The following SH3PXD2B variants were observed in gnomAD, a reference collection of about 807,000 sequenced individuals.
The protein encoded by SH3PXD2B is SH3 and PX domain-containing protein 2B.
Under a neutral mutation model 73.1 loss-of-function variants are expected in SH3PXD2B, and 37 were observed. The observed-to-expected ratio is 0.51, with a 90% confidence interval of 0.39 to 0.67. The LOEUF is 0.67. Among genes scored for constraint, SH3PXD2B ranks in the 30% least tolerant of loss-of-function variants. The pLI, the probability that SH3PXD2B is intolerant of heterozygous loss-of-function variation, is 0.00. For missense variants in SH3PXD2B, 1,053 were observed against 1,197.8 expected, an observed-to-expected ratio of 0.88 and a Z score of 1.78; for synonymous variants, 457 against 480.5, an observed-to-expected ratio of 0.95 and a Z score of 0.64.
intron 9 of SH3PXD2B, among the ~76,000 whole-genome samples, chr5:172,352,410 A>G (rs1757176098): frequency 6.6e-6 from 1 of 152,046 alleles, no homozygotes; most frequent in African/African-American, 2.4e-5. Flanking sequence ...ATTTTTATGT[A>G]GAGATGGGAT....
intron 6 of SH3PXD2B, among the ~76,000 whole-genome samples, chr5:172,372,007 A>T (rs1456006503): frequency 1.3e-5 from 2 of 152,208 alleles, no homozygotes; most frequent in East Asian, 3.8e-4. Flanking sequence ...TGGTTGGGAA[A>T]AGGCTGAAGT....
intron 10 of SH3PXD2B, among the ~76,000 whole-genome samples, chr5:172,350,043 C>T (rs191677639): frequency 2.0e-5 from 3 of 152,138 alleles, no homozygotes; most frequent in South Asian, 2.1e-4. Flanking sequence ...TTAGTAGAGA[C>T]GGGGTTTCAC....
chr5:172,437,803 A>G lies in SH3PXD2B; in HGVS notation c.76-15307T>C, dbSNP rs148785562. On this transcript the variant is annotated intron_variant, in intron 1 of 12. Coordinates refer to ENST00000311601, the MANE Select transcript of SH3PXD2B (RefSeq NM_001017995.3). ...ACTGCACTCTGTCCACAGGGCACGC[A>G]GCGAAGGCTCAGGTGGCTGGTTGAG... 1.8e-4 allele frequency among the ~76,000 whole-genome samples: 27 copies of G among 152,310 alleles called. No individual in the cohort carries two copies. The East Asian group carries it at 4.1e-3, about 23-fold the overall frequency.
intron 4 of SH3PXD2B, among the ~76,000 whole-genome samples, chr5:172,392,465 G>GTT: frequency 6.6e-6 from 1 of 152,124 alleles, no homozygotes; most frequent in South Asian, 2.1e-4. Flanking sequence ...TATCTCAACT[G>GTT]TTTGTTAAAA....
chr5:172,429,325 T>A (rs950503569), intron 1 of SH3PXD2B, among the ~76,000 whole-genome samples: 2 of 88,176 alleles, frequency 2.3e-5, no homozygotes, highest in African/African-American at 5.2e-5. Context: ...CCCCCGCCCC[T>A]TGGGAGCAAC....
chr5:172,325,975 C>T (rs1164274996), intron 12 of SH3PXD2B, among the ~76,000 whole-genome samples: 4 of 152,162 alleles, frequency 2.6e-5, no homozygotes. Flanking sequence ...TTAGTAGAGA[C>T]AGGGTTTCTC....
At chr5:172,415,399 T>C (rs1482443648) in intron 2 of SH3PXD2B, among the ~76,000 whole-genome samples, 1 of 152,148 alleles carries the variant, frequency 6.6e-6, no homozygotes, top group Non-Finnish European at 1.5e-5. Flanking sequence ...AAATCTATCT[T>C]TCAATAGGCA....
chr5:172,414,945 A>C (rs73804827), intron 2 of SH3PXD2B, among the ~76,000 whole-genome samples: 2,449 of 152,154 alleles, frequency 0.016, 60 homozygotes, highest in African/African-American at 0.056. Flanking sequence ...GCCACTCCTT[A>C]TTCATTGTCA....
At chr5:172,350,631 G>A (rs775521535) in intron 9 of SH3PXD2B, 42 bp from the exon 10 acceptor site, 3 of 1,547,544 alleles carry the variant, frequency 1.9e-6, no homozygotes, top group South Asian at 2.4e-5. Context: ...GCTCCGCCAG[G>A]CCCAAGGGAA....
chr5:172,329,077 A>ATTTTT (rs1386202364), downstream of SH3PXD2B, among the ~76,000 whole-genome samples: 75 of 63,512 alleles, frequency 1.2e-3, no homozygotes, highest in South Asian at 2.2e-3. Context: ...ATATATATAT[A>ATTTTT]TATATATTTT....
At position 172,350,375 on chromosome 5, in the gene SH3PXD2B, C is replaced by T. The variant is rs1336013217; in HGVS notation, c.1000G>A (p.Asp334Asn). 1.2e-6 allele frequency: 2 copies of T among 1,613,610 alleles called. No individual in the cohort carries two copies. The highest frequency in any genetic ancestry group is 2.2e-5 in the South Asian group (2 of 91,038). ...GGGTGTCACTCACTCTGCTTGGCGTCACCGTCGGGCACCGGGCGGCCTTCA... is the reference window on the plus strand; with the variant it reads ...GGGTGTCACTCACTCTGCTTGGCGTTACCGTCGGGCACCGGGCGGCCTTCA... ...RFEGRPVPDG[D>N]AKQRSPKMRQ... is the part of the protein sequence containing the mutation. The change falls in exon 10 of 13, where the codon GAC (aspartate) becomes AAC (asparagine). Residue 334 changes from aspartate (D) to asparagine (N), a missense_variant. Asp to Asn is a conservative substitution (Grantham distance 23). Transcript: ENST00000311601.
intron 9 of SH3PXD2B, among the ~76,000 whole-genome samples, chr5:172,352,747 G>A (rs1211511446): frequency 6.6e-6 from 1 of 152,052 alleles, no homozygotes; most frequent in Non-Finnish European, 1.5e-5. Context: ...ATTTTCTCTT[G>A]CCGATGCTAT....
At chr5:172,388,913 G>T (rs1195200541) in intron 4 of SH3PXD2B, among the ~76,000 whole-genome samples, 1 of 152,240 alleles carries the variant, frequency 6.6e-6, no homozygotes, top group East Asian at 1.9e-4. Flanking sequence ...CTGAGGGCTG[G>T]GAGGCAACAG....
chr5:172,372,283 C>T (rs796520214), intron 6 of SH3PXD2B, among the ~76,000 whole-genome samples: 82 of 152,150 alleles, frequency 5.4e-4, no homozygotes, highest in African/African-American at 1.7e-3. Context: ...GGTGCTGTCT[C>T]GAGATGGAGT....
chr5:172,377,557 T>C (rs1309748804), intron 5 of SH3PXD2B, among the ~76,000 whole-genome samples: 4 of 152,174 alleles, frequency 2.6e-5, no homozygotes, highest in Non-Finnish European at 5.9e-5. Context: ...GGGTCTTGCT[T>C]AGTCCTCACA....
intron 12 of SH3PXD2B, among the ~76,000 whole-genome samples, chr5:172,343,575 C>T (rs1014016858): frequency 7.9e-5 from 12 of 152,010 alleles, no homozygotes; most frequent in Non-Finnish European, 1.6e-4. Flanking sequence ...CTTAGGCGGG[C>T]GGATCACCTG....
rs762353363 is a variant in SH3PXD2B at position 172,339,069 on chromosome 5, G to A, written c.2036C>T (p.Ser679Phe). The part of the protein sequence containing the change: ...KLRPAKSQDK[S>F]LLDGEGPQAV... The stretch of plus-strand genomic sequence containing the variant: ...CTGGGGGCCCTCCCCATCCAACAAG[G>A]ACTTGTCTTGGGACTTGGCAGGCCT... The change falls in exon 13 of 13, where the codon TCC (serine) becomes TTC (phenylalanine). Residue 679 changes from serine (S) to phenylalanine (F), a missense_variant. Transcript: ENST00000311601. This position sits in a 1 kb window ranked among gnomAD's most constrained non-coding sequence, Gnocchi z 6.1. The A allele has an allele frequency of 6.2e-7, 1 of 1,614,104 alleles. No individual in the cohort carries two copies. The highest frequency in any genetic ancestry group is 1.3e-5 in the African/African-American group (1 of 74,930).
At position 172,412,245 on chromosome 5, in the gene SH3PXD2B, G is replaced by A. The variant is rs1388725832; in HGVS notation, c.157-5893C>T. ...CCGGGTGGCCCCGTGGCTGTAGCAGGGCTGTCTGCTGGCACTTTCTGCCAT... is the reference window on the plus strand; with the variant it reads ...CCGGGTGGCCCCGTGGCTGTAGCAGAGCTGTCTGCTGGCACTTTCTGCCAT... On this transcript the variant is annotated intron_variant, in intron 2 of 12. Coordinates refer to ENST00000311601, the MANE Select transcript of SH3PXD2B (RefSeq NM_001017995.3). 2.6e-5 allele frequency among the ~76,000 whole-genome samples: 4 copies of A among 152,230 alleles called. No homozygotes were observed. The East Asian group carries it at 7.7e-4, about 29-fold the overall frequency.
rs189591359 is a variant in SH3PXD2B at position 172,391,531 on chromosome 5, T to G, written c.309+3032A>C. 3.6e-3 allele frequency among the ~76,000 whole-genome samples: 543 copies of G among 152,300 alleles called. 2 individuals carry two copies. Among genetic ancestry groups the G allele is most frequent in the African/African-American group, 0.012 (482 of 41,568 alleles). ...AGGCTGGAGTGCAGTGGCACGATCTTGGCTCACTGCAACCTCCACCTCCTG... is the reference window on the plus strand; with the variant it reads ...AGGCTGGAGTGCAGTGGCACGATCTGGGCTCACTGCAACCTCCACCTCCTG... On this transcript the variant is annotated intron_variant, in intron 4 of 12. Transcript: ENST00000311601.
Sources: gnomAD v4.1 joint callset for allele counts (sites outside exome capture counted in the v4.1 genomes callset) on GRCh38, gnomAD v4.1.1 for gene constraint, Gnocchi (gnomAD v3.1) non-coding constraint, MANE v1.5 for transcripts, NCBI Gene and HGNC (gene_info 2026-07-23, HGNC 2026-07-21) for gene names.